The following CTNNBL1 variants were observed in gnomAD, a reference collection of about 807,000 sequenced individuals.
CTNNBL1 encodes beta-catenin-like protein 1.
A neutral mutation model predicts 72.7 loss-of-function variants in CTNNBL1; 31 were observed. The observed-to-expected ratio is 0.43, with a 90% CI of 0.32 to 0.58. The LOEUF (loss-of-function observed/expected upper bound fraction) is 0.58, where lower values mean the gene tolerates loss of function less well. CTNNBL1 is among the 20% of genes least tolerant of loss of function. CTNNBL1 has a pLI of 0.08. For synonymous variants in CTNNBL1, 240 were observed against 267.3 expected (o/e 0.90, Z 1.00); for missense variants, 534 against 725.1 (o/e 0.74, Z 3.03).
chr20:37,704,635 C>T (rs550746977), intron 1 of CTNNBL1, among the ~76,000 whole-genome samples: 2 of 151,928 alleles, frequency 1.3e-5, no homozygotes, highest in East Asian at 3.9e-4. Flanking sequence ...TGCTTGAGAC[C>T]AGGAGATTGA....
At chr20:37,714,909 A>G (rs574330329) in intron 1 of CTNNBL1, among the ~76,000 whole-genome samples, 1 of 152,214 alleles carries the variant, frequency 6.6e-6, no homozygotes, top group Non-Finnish European at 1.5e-5. Flanking sequence ...AATGGTGGTT[A>G]TTTGTCCAGG....
intron 4 of CTNNBL1, among the ~76,000 whole-genome samples, chr20:37,749,410 A>G (rs1219873608): frequency 6.6e-6 from 1 of 152,202 alleles, no homozygotes; most frequent in Non-Finnish European, 1.5e-5. Flanking sequence ...CGACATCGGC[A>G]TATTTGGGAA....
At chr20:37,812,949 C>T (rs1414265769) in intron 11 of CTNNBL1, among the ~76,000 whole-genome samples, 1 of 151,750 alleles carries the variant, frequency 6.6e-6, no homozygotes, top group African/African-American at 2.4e-5. Flanking sequence ...GGAATGTGGC[C>T]CCCAAGCCAA....
intron 12 of CTNNBL1, among the ~76,000 whole-genome samples, chr20:37,840,942 A>G (rs2072299097): frequency 6.6e-6 from 1 of 152,188 alleles, no homozygotes; most frequent in African/African-American, 2.4e-5. Flanking sequence ...ATGACATTAG[A>G]TGGATTGGGC....
intron 1 of CTNNBL1, chr20:37,727,332 G>A: frequency 1.0e-6 from 1 of 984,912 alleles, no homozygotes; most frequent in Non-Finnish European, 1.2e-6. Flanking sequence ...ACACACACAG[G>A]CAATAGGCCT....
chr20:37,721,706 C>G (rs6012913), intron 1 of CTNNBL1, among the ~76,000 whole-genome samples: 11 of 152,184 alleles, frequency 7.2e-5, no homozygotes, highest in Non-Finnish European at 1.6e-4. Flanking sequence ...AATCAGTATC[C>G]TGAATTTGGT....
In CTNNBL1 at chr20:37,860,360, C is replaced by G. The variant is rs779847831; in HGVS notation, c.1603+16C>G. On this transcript the variant is annotated intron_variant, in intron 15 of 15. Transcript: ENST00000361383. Reference sequence around the variant, plus strand: ...ATCATCAAGGGTGAGTTGGATGCTACTCATGTCTGGGGCTCCAGAGGATTA... The same window carrying G: ...ATCATCAAGGGTGAGTTGGATGCTAGTCATGTCTGGGGCTCCAGAGGATTA... The G allele has an allele frequency of 3.1e-6, 5 of 1,592,136 alleles. No homozygotes were observed. The highest frequency in any genetic ancestry group is 4.3e-6 in the Non-Finnish European group (5 of 1,160,074).
At chr20:37,740,194 C>CT (rs572651084) in intron 3 of CTNNBL1, among the ~76,000 whole-genome samples, 5 of 149,498 alleles carry the variant, frequency 3.3e-5, no homozygotes, top group East Asian at 2.0e-4. Context: ...GCATAAAGAA[C>CT]TTTTTTTTTT....
chr20:37,842,465 G>A lies in CTNNBL1; in HGVS notation c.1392+46G>A, dbSNP rs146320842. 7.4e-5 allele frequency: 101 copies of A among 1,367,598 alleles called. No homozygotes were observed. The East Asian group carries it at 1.1e-3, about 15-fold the overall frequency. The allele number at this position is 1,367,598 out of a possible 1,614,324, so 84.7% of individuals were successfully genotyped here. On this transcript the variant is annotated intron_variant, in intron 13 of 15. Transcript: ENST00000361383. ...TTTGCCAGCTATTGACTTGCCCTCC[G>A]TTTGGGTCCCTTGTGTTCCTCCCAT...
intron 7 of CTNNBL1, among the ~76,000 whole-genome samples, chr20:37,770,625 C>T (rs2073513597): frequency 6.6e-6 from 1 of 150,994 alleles, no homozygotes; most frequent in African/African-American, 2.4e-5. Context: ...GATGCCGTTA[C>T]CCTTATGATC....
chr20:37,808,727 C>G (rs1431969425), intron 11 of CTNNBL1, among the ~76,000 whole-genome samples: 2 of 152,166 alleles, frequency 1.3e-5, no homozygotes, highest in Admixed American at 1.3e-4. Flanking sequence ...CTTCATCTAT[C>G]TGTGGTTGAC....
chr20:37,847,436 T>C (rs2072355827), intron 13 of CTNNBL1, among the ~76,000 whole-genome samples: 1 of 152,142 alleles, frequency 6.6e-6, no homozygotes, highest in Non-Finnish European at 1.5e-5. Context: ...CAAGGGCATG[T>C]AATTCTTGAG....
intron 1 of CTNNBL1, among the ~76,000 whole-genome samples, chr20:37,726,474 A>G (rs1467648322): frequency 1.3e-5 from 2 of 152,228 alleles, no homozygotes; most frequent in Non-Finnish European, 2.9e-5. Context: ...AAGTTGCTTA[A>G]ACTCACTGGC....
chr20:37,852,489 T>C (rs910425755), intron 13 of CTNNBL1, among the ~76,000 whole-genome samples: 1 of 152,222 alleles, frequency 6.6e-6, no homozygotes, highest in Non-Finnish European at 1.5e-5. Flanking sequence ...TGTCTCCAGC[T>C]TGAGGCATTT....
intron 1 of CTNNBL1, among the ~76,000 whole-genome samples, 195 bp downstream of exon 1, chr20:37,694,347 A>G (rs2072770157): frequency 6.6e-6 from 1 of 152,014 alleles, no homozygotes; most frequent in Non-Finnish European, 1.5e-5. Flanking sequence ...TCCCTTCTCA[A>G]GACCTGAGCC....
At chr20:37,737,342 TG>T in intron 2 of CTNNBL1, 35 bp from the exon 3 acceptor site, 1 of 1,448,886 alleles carries the variant, frequency 6.9e-7, no homozygotes, top group Non-Finnish European at 9.7e-7. Flanking sequence ...GAAACCCCTG[TG>T]GACTGAAGTT....
chr20:37,805,031 C>A (rs553426370), intron 11 of CTNNBL1, among the ~76,000 whole-genome samples: 1 of 152,238 alleles, frequency 6.6e-6, no homozygotes, highest in Non-Finnish European at 1.5e-5. Context: ...CACAGCCCTC[C>A]ACTCCTGCCA....
At position 37,732,962 on chromosome 20, in the gene CTNNBL1, C is replaced by G; in HGVS notation, c.114C>G (p.Arg38=). The change falls in exon 2 of 16, where the codon CGC becomes CGG. Residue 38 remains arginine, a synonymous_variant. Coordinates refer to ENST00000361383, the MANE Select transcript of CTNNBL1 (RefSeq NM_030877.5). ...MRRKQTGTRE[R]GRYREEEMTV... ...GGAAACAAACTGGTACTCGAGAACG[C>G]GGCCGCTATCGGGAAGAAGAAATGA... is the stretch of plus-strand genomic sequence containing the variant. 6.2e-7 allele frequency: 1 copy of G among 1,613,996 alleles called. No individual in the cohort carries two copies. Among genetic ancestry groups the G allele is most frequent in the Middle Eastern group, 1.7e-4 (1 of 6,016 alleles).
chr20:37,752,607 T>G (rs1027132901), intron 4 of CTNNBL1, among the ~76,000 whole-genome samples: 3 of 151,996 alleles, frequency 2.0e-5, no homozygotes, highest in African/African-American at 4.8e-5. Context: ...CATTGGAGAT[T>G]AATGAGATTA....
Sources: allele counts gnomAD v4.1 joint callset (sites outside exome capture counted in the v4.1 genomes callset), GRCh38; gene constraint gnomAD v4.1.1; transcripts MANE v1.5; gene names NCBI Gene and HGNC (gene_info 2026-07-23, HGNC 2026-07-21).